CLYBL: variants seen among roughly 807,000 people sequenced by gnomAD.
The protein encoded by CLYBL is citramalyl-CoA lyase, mitochondrial.
CLYBL carries 31 observed loss-of-function variants against 38.9 expected under a neutral mutation model. The ratio of observed to expected loss-of-function variants is 0.80; its 90% CI spans 0.60 to 1.08. CLYBL has a LOEUF of 1.08. CLYBL is among the 50% of genes least tolerant of loss of function. The pLI, the probability that CLYBL is intolerant of heterozygous loss-of-function variation, is 0.00. For missense variants in CLYBL, 434 were observed against 411.6 expected, an observed-to-expected ratio of 1.05 and a Z score of -0.47; for synonymous variants, 171 against 158.6, an observed-to-expected ratio of 1.08 and a Z score of -0.59.
chr13:99,617,865 C>T (rs2046736739), intron 1 of CLYBL, among the ~76,000 whole-genome samples: 1 of 152,220 alleles, frequency 6.6e-6, no homozygotes. Flanking sequence ...CTGAAGCCCT[C>T]TGTCCCTTTG....
chr13:99,864,362 C>T (rs145663430), intron 4 of CLYBL, among the ~76,000 whole-genome samples: 2 of 152,282 alleles, frequency 1.3e-5, no homozygotes, highest in African/African-American at 2.4e-5. Flanking sequence ...TTTTCCCCTC[C>T]GGAGTTGCAG....
chr13:99,612,544 T>A (rs972728906), intron 1 of CLYBL, among the ~76,000 whole-genome samples: 1 of 152,000 alleles, frequency 6.6e-6, no homozygotes, highest in East Asian at 1.9e-4. Flanking sequence ...TTAGCCACCA[T>A]GTCTGGCTAA....
intron 1 of CLYBL, among the ~76,000 whole-genome samples, chr13:99,686,726 G>GT (rs1356141910): frequency 6.6e-6 from 1 of 152,168 alleles, no homozygotes; most frequent in African/African-American, 2.4e-5. Flanking sequence ...TTTAGGATAG[G>GT]TTTTTAAAAT....
At chr13:99,631,361 G>GTGTGTA (rs934469351) in intron 1 of CLYBL, among the ~76,000 whole-genome samples, 1 of 149,192 alleles carries the variant, frequency 6.7e-6, no homozygotes, top group Non-Finnish European at 1.5e-5. Context: ...GTGTGTGTGT[G>GTGTGTA]TGTATGTATA....
intron 1 of CLYBL, among the ~76,000 whole-genome samples, chr13:99,714,983 G>T (rs376859239): frequency 6.6e-6 from 1 of 152,008 alleles, no homozygotes; most frequent in African/African-American, 2.4e-5. Context: ...AAGGAGGAAC[G>T]TAACCATCAA....
At chr13:99,736,045 T>C (rs1428172456) in intron 1 of CLYBL, among the ~76,000 whole-genome samples, 13 of 136,346 alleles carry the variant, frequency 9.5e-5, no homozygotes, top group Non-Finnish European at 1.4e-4. Flanking sequence ...TTTCTTTTTT[T>C]TTTTTTTTTT....
intron 1 of CLYBL, among the ~76,000 whole-genome samples, chr13:99,649,453 A>G (rs901920105): frequency 2.0e-5 from 3 of 152,224 alleles, no homozygotes; most frequent in Non-Finnish European, 2.9e-5. Flanking sequence ...AAACAGTTAC[A>G]CAGTTAAGTA....
intron 1 of CLYBL, among the ~76,000 whole-genome samples, chr13:99,637,576 CA>C (rs2047037186): frequency 6.6e-6 from 1 of 152,120 alleles, no homozygotes; most frequent in South Asian, 2.1e-4. Context: ...GCCTGGGCAA[CA>C]TGGTGAAACC....
intron 6 of CLYBL, among the ~76,000 whole-genome samples, chr13:99,870,438 GCCT>G (rs759567201): frequency 0.029 from 4,464 of 152,230 alleles, no homozygotes; most frequent in Non-Finnish European, 0.045. Flanking sequence ...TGTAATGACT[GCCT>G]CTGTAAGCTT....
chr13:99,800,542 A>T (rs1186870043), intron 2 of CLYBL, among the ~76,000 whole-genome samples: 1 of 152,162 alleles, frequency 6.6e-6, no homozygotes, highest in African/African-American at 2.4e-5. Context: ...TGGCCTGGAA[A>T]GGCTCACCTG....
Position 99,612,888 on chromosome 13 carries a change from G to A in CLYBL, c.62+6131G>A, listed in dbSNP as rs369114733. The stretch of plus-strand genomic sequence containing the variant: ...AAGTTAGCTGGATGTGGTGGCTCAT[G>A]CCTGTGATCCTAGCCACTTGGGATG... On this transcript the variant is annotated intron_variant, in intron 1 of 8. Coordinates refer to ENST00000339105, the MANE Select transcript of CLYBL (RefSeq NM_206808.5). 1.8e-3 allele frequency among the ~76,000 whole-genome samples: 267 copies of A among 152,086 alleles called. 1 individual carries two copies. The highest frequency in any genetic ancestry group is 6.1e-3 in the African/African-American group (251 of 41,486).
chr13:99,866,989 C>T (rs759217763), intron 6 of CLYBL, among the ~76,000 whole-genome samples: 1 of 152,162 alleles, frequency 6.6e-6, no homozygotes, highest in Non-Finnish European at 1.5e-5. Context: ...GCAGTCCGGT[C>T]TGGGGCACAG....
intron 1 of CLYBL, among the ~76,000 whole-genome samples, chr13:99,651,881 G>A (rs1160755070): frequency 6.6e-5 from 10 of 151,342 alleles, no homozygotes; most frequent in Admixed American, 4.6e-4. Context: ...GCAGTGAGCC[G>A]AGATCATGCC....
intron 7 of CLYBL, among the ~76,000 whole-genome samples, chr13:99,887,588 G>A (rs1212880535): frequency 1.3e-5 from 2 of 152,056 alleles, no homozygotes; most frequent in Non-Finnish European, 2.9e-5. Context: ...GGGAGGCCTC[G>A]TCTCTACATA....
intron 1 of CLYBL, among the ~76,000 whole-genome samples, chr13:99,764,200 G>A (rs1045140386): frequency 6.6e-6 from 1 of 152,054 alleles, no homozygotes; most frequent in Non-Finnish European, 1.5e-5. Flanking sequence ...TAGGACTACA[G>A]ATGTGTACCA....
At chr13:99,669,672 G>T (rs1314767367) in intron 1 of CLYBL, among the ~76,000 whole-genome samples, 1 of 152,112 alleles carries the variant, frequency 6.6e-6, no homozygotes, top group Non-Finnish European at 1.5e-5. Context: ...TTCCCATGAA[G>T]ATCCCTATTT....
chr13:99,883,020 G>C (rs1474175032), intron 7 of CLYBL, among the ~76,000 whole-genome samples: 8 of 152,062 alleles, frequency 5.3e-5, no homozygotes, highest in Admixed American at 5.2e-4. Flanking sequence ...TGGATCCTCG[G>C]ACCACCTCTG....
intron 1 of CLYBL, among the ~76,000 whole-genome samples, chr13:99,685,879 T>A (rs2047809654): frequency 6.6e-6 from 1 of 152,112 alleles, no homozygotes; most frequent in Non-Finnish European, 1.5e-5. Context: ...CGAGAATCGC[T>A]TGAACCCGGG....
chr13:99,831,922 T>A (rs762906465), intron 2 of CLYBL, among the ~76,000 whole-genome samples: 3 of 152,250 alleles, frequency 2.0e-5, no homozygotes, highest in Non-Finnish European at 4.4e-5. Context: ...TATACATTTA[T>A]CAAACAGTTC....
Sources: allele counts gnomAD v4.1 joint callset (sites outside exome capture counted in the v4.1 genomes callset), GRCh38; gene constraint gnomAD v4.1.1; transcripts MANE v1.5; gene names NCBI Gene and HGNC (gene_info 2026-07-23, HGNC 2026-07-21).